Variants in HELZ2 observed in about 807,000 individuals in gnomAD.
The protein encoded by HELZ2 is helicase with zinc finger 2.
HELZ2 carries 143 observed loss-of-function variants against 208.8 expected under a neutral mutation model. The ratio of observed to expected loss-of-function variants is 0.68; its 90% CI spans 0.60 to 0.79. HELZ2 has a LOEUF of 0.79. HELZ2 is among the 30% of genes least tolerant of loss of function. The pLI is 0.00. For synonymous variants in HELZ2, 1,705 were observed against 1,693.7 expected (o/e 1.01, Z -0.16); for missense variants, 3,690 against 3,794.5 (o/e 0.97, Z 0.72).
chr20:63,572,165 A>G, exon 1 of HELZ2: 1 of 1,611,256 alleles, frequency 6.2e-7, no homozygotes, highest in Non-Finnish European at 8.5e-7. Flanking sequence ...CTCCCAGGGC[A>G]GGGCCTGGTC....
Position 63,565,268 on chromosome 20 carries a change from C to G in HELZ2, c.3554G>C (p.Gly1185Ala), listed in dbSNP as rs578205946. ...GCCCAGCACGCGGCCCCGAAGCCGC[C>G]CCTCGGGCGCCTTGTCTCCCGAAAG... The change falls in exon 8 of 19, where the codon GGG becomes GCG. Residue 1185 changes from glycine (G) to alanine (A), a missense_variant. Coordinates refer to ENST00000467148, the Ensembl canonical transcript of HELZ2. 3.1e-6 allele frequency: 5 copies of G among 1,605,264 alleles called. No individual in the cohort carries two copies. In the African/African-American group the frequency reaches 6.7e-5, roughly 21 times the overall value.
At chr20:63,562,080 C>A (rs770850730) in exon 10 of HELZ2, 1 of 1,588,334 alleles carries the variant, frequency 6.3e-7, no homozygotes, top group Middle Eastern at 1.7e-4. Context: ...ACCTGGTGGG[C>A]CCTGAATGAC....
rs779510796 is a variant in HELZ2 at position 63,566,081 on chromosome 20, TC to T, written c.2740del (p.Asp914ThrfsTer68). ...CCCGAAGGAGCAGAGGGCCACGGCG[TC>T]CCCCACTACCACCAGCTGGGACTGG... On this transcript the variant is annotated frameshift_variant, in exon 8 of 19. Coordinates refer to ENST00000467148, the Ensembl canonical transcript of HELZ2. LOFTEE classifies it high-confidence loss of function. 6.3e-7 allele frequency: 1 copy of T among 1,585,984 alleles called. No individual in the cohort carries two copies. Among genetic ancestry groups the T allele is most frequent in the Non-Finnish European group, 8.5e-7 (1 of 1,172,594 alleles).
exon 8 of HELZ2, chr20:63,562,682 T>C (rs888159654): frequency 6.3e-7 from 1 of 1,598,742 alleles, no homozygotes; most frequent in East Asian, 2.3e-5. Flanking sequence ...GTCCTGCGTC[T>C]GCCCGTGGGC....
At chr20:63,563,837 G>A (rs765531441) in exon 8 of HELZ2, 18 of 1,597,088 alleles carry the variant, frequency 1.1e-5, no homozygotes, top group African/African-American at 6.7e-5. Flanking sequence ...CACCTGCAGC[G>A]AGTAGTGGCC....
chr20:63,570,943 A>G, intron 1 of HELZ2, 75 bp from the exon 3 acceptor site: 1 of 1,218,646 alleles, frequency 8.2e-7, no homozygotes. Context: ...GGGACCCCTC[A>G]GCCCAATACT....
exon 17 of HELZ2, chr20:63,560,304 G>A: frequency 6.4e-7 from 1 of 1,555,592 alleles, no homozygotes; most frequent in Non-Finnish European, 8.7e-7. Context: ...TCCTCCCCAG[G>A]GTCAGCTGCT....
chr20:63,564,654 G>C, exon 8 of HELZ2: 1 of 1,570,302 alleles, frequency 6.4e-7, no homozygotes, highest in African/African-American at 1.4e-5. Flanking sequence ...CCCTGCCTTC[G>C]CGCCTCCACG....
upstream of HELZ2, among the ~76,000 whole-genome samples, chr20:63,573,780 C>A (rs543677393): frequency 1.5e-4 from 23 of 152,196 alleles, 1 homozygote; most frequent in South Asian, 4.4e-3. This position sits in a 1 kb window ranked among gnomAD's most constrained non-coding sequence, Gnocchi z 4.9. Flanking sequence ...GTCCCCGGGT[C>A]CCCACCGCAG....
At chr20:63,564,913 C>A (rs554618278) in exon 8 of HELZ2, 1 of 1,611,882 alleles carries the variant, frequency 6.2e-7, no homozygotes, top group Non-Finnish European at 8.5e-7. Flanking sequence ...TCAAGCTGTA[C>A]TCCAGGCCGA....
chr20:63,564,353 C>T, exon 8 of HELZ2: 1 of 1,565,994 alleles, frequency 6.4e-7, no homozygotes, highest in Non-Finnish European at 8.6e-7. Context: ...AGAGAAGTAG[C>T]ACGCGGCCAC....
exon 5 of HELZ2, chr20:63,568,848 C>A: frequency 6.2e-7 from 1 of 1,612,296 alleles, no homozygotes; most frequent in Non-Finnish European, 8.5e-7. Context: ...GTGCTGACCG[C>A]CCGGCCCAGC....
chr20:63,566,157 G>T, exon 8 of HELZ2: 3 of 1,555,010 alleles, frequency 1.9e-6, no homozygotes, highest in East Asian at 2.3e-5. Flanking sequence ...AAGAACTCAG[G>T]GGCCAGTGCC....
chr20:63,567,588 G>T (rs112038983), exon 6 of HELZ2: 2 of 1,596,882 alleles, frequency 1.3e-6, no homozygotes, highest in South Asian at 1.1e-5. Flanking sequence ...CGCCGCTGAC[G>T]TGGCTGTGGA....
chr20:63,564,610 C>A, exon 8 of HELZ2: 1 of 1,568,088 alleles, frequency 6.4e-7, no homozygotes, highest in East Asian at 2.4e-5. Context: ...GCAGCATGGG[C>A]ACTGGCTCCC....
At chr20:63,564,073 G>T (rs114497943) in exon 8 of HELZ2, 1 of 1,607,568 alleles carries the variant, frequency 6.2e-7, no homozygotes. Flanking sequence ...CGCCGTGCAG[G>T]TGGTGGCCGA....
At position 63,560,109 on chromosome 20, in the gene HELZ2, G is replaced by A. The variant is rs2082868930; in HGVS notation, c.7658-14C>T. 1.3e-6 allele frequency: 2 copies of A among 1,580,268 alleles called. No homozygotes were observed. Among genetic ancestry groups the A allele is most frequent in the Non-Finnish European group, 1.7e-6 (2 of 1,168,002 alleles). On this transcript the variant is annotated splice_polypyrimidine_tract_variant and intron_variant, in intron 17 of 18. Coordinates refer to ENST00000467148, the Ensembl canonical transcript of HELZ2. ...GCCACTCGCTCCCTGCGGGATGGGA[G>A]GTGAGGCCCTGCTGCCGCTGCGCCC...
At chr20:63,563,389 C>A in exon 8 of HELZ2, 1 of 1,536,676 alleles carries the variant, frequency 6.5e-7, no homozygotes, top group Non-Finnish European at 8.7e-7. Flanking sequence ...CAGTGCCAGG[C>A]AGTGGCAGGG....
chr20:63,558,545 G>C (rs528000714), downstream of HELZ2: 1 of 147,080 alleles, frequency 6.8e-6, no homozygotes, highest in Non-Finnish European at 1.5e-5. Context: ...GTTTTGTTTT[G>C]TTTTTTTTTT....
Sources: gnomAD v4.1 joint callset for allele counts (sites outside exome capture counted in the v4.1 genomes callset) on GRCh38, gnomAD v4.1.1 for gene constraint, Gnocchi (gnomAD v3.1) non-coding constraint, MANE v1.5 for transcripts, NCBI Gene and HGNC (gene_info 2026-07-23, HGNC 2026-07-21) for gene names.